Variants in DUS3L observed in about 807,000 individuals in gnomAD.
DUS3L encodes the protein dihydrouridine synthase 3 like.
In DUS3L, 62 loss-of-function variants were observed where a neutral mutation model predicts 74.6. The observed-to-expected ratio is 0.83, with a 90% CI of 0.68 to 1.03. The LOEUF is 1.03. Ranked by LOEUF, DUS3L falls within the 50% of genes least tolerant of loss-of-function variation. DUS3L has a pLI of 0.00. For missense variants in DUS3L, 884 were observed against 924.4 expected (o/e 0.96, Z 0.57); for synonymous variants, 433 against 395.7 (o/e 1.09, Z -1.12).
chr19:5,785,175 C>T lies in DUS3L; in HGVS notation c.*28G>A, dbSNP rs1334149865. ...ATAAAATTTATTGTACTCTCCTCGC[C>T]CCAGGGTGCCCCTGGGAAAGCCTGA... On this transcript the variant is annotated 3_prime_UTR_variant, in exon 13 of 13. Coordinates refer to ENST00000309061, the MANE Select transcript of DUS3L (RefSeq NM_020175.3). 6.3e-7 allele frequency: 1 copy of T among 1,586,000 alleles called. No individual in the cohort carries two copies. The highest frequency in any genetic ancestry group is 8.6e-7 in the Non-Finnish European group (1 of 1,166,506).
rs762349437 is a variant in DUS3L, at chr19:5,786,490, A to C, written c.1539T>G (p.Gly513=). 2 of 1,612,994 alleles carry C rather than the reference A, an allele frequency of 1.2e-6. No homozygotes were observed. The highest frequency in any genetic ancestry group is 4.5e-5 in the East Asian group (2 of 44,874). ...ACCGGGCAATCATGATCCCGGTGAC[A>C]CCAGTCTGCATGGCGCGGTTGGCAT... The part of the protein sequence containing the change: ...FEDANRAMQT[G]VTGIMIARGA... The change falls in exon 10 of 13, where the codon GGT becomes GGG. Residue 513 remains glycine, a synonymous_variant. Transcript: ENST00000309061.
In DUS3L at chr19:5,787,139, G is replaced by A; in HGVS notation, c.1311C>T (p.Arg437=). Residue 437 remains arginine (R), a synonymous_variant, in exon 8 of 13, where the codon CGC becomes CGT. Coordinates refer to ENST00000309061, the MANE Select transcript of DUS3L (RefSeq NM_020175.3). Reference sequence around the variant, plus strand: ...GGTTCACACGCTCCTGGACGCCTGTGCGGATCTTCACAGTCAGCGGCACAT... The same window carrying A: ...GGTTCACACGCTCCTGGACGCCTGTACGGATCTTCACAGTCAGCGGCACAT... The part of the protein sequence containing the change: ...VLDVPLTVKI[R]TGVQERVNLA... 1 of 1,471,028 alleles carries A rather than the reference G, an allele frequency of 6.8e-7. No individual in the cohort carries two copies. Among genetic ancestry groups the A allele is most frequent in the South Asian group, 1.2e-5 (1 of 82,684 alleles). The allele number at this position is 1,471,028 out of a possible 1,614,324, so 91.1% of individuals were successfully genotyped here. A position where few individuals can be genotyped will look rare whatever the true frequency, so the allele number is the denominator to read the frequency against.
chr19:5,791,014 T>C, intron 1 of DUS3L, 30 bp downstream of exon 1: 1 of 1,569,520 alleles, frequency 6.4e-7, no homozygotes, highest in Non-Finnish European at 8.6e-7. Flanking sequence ...GAAAAGGCCC[T>C]TCAGCTTCCC....
At chr19:5,790,783 C>T in intron 1 of DUS3L, 1 of 587,878 alleles carries the variant, frequency 1.7e-6, no homozygotes, top group East Asian at 2.8e-5. Context: ...GACTACAATC[C>T]CCAGTATGCA....
rs368372219 is a variant in DUS3L at position 5,788,027 on chromosome 19, G to A, written c.1092C>T (p.Val364=). Residue 364 remains valine, a synonymous_variant, in exon 5 of 13, where the codon GTC becomes GTT. Coordinates refer to ENST00000309061, the MANE Select transcript of DUS3L (RefSeq NM_020175.3). ...KRHQCEDIFG[V]QLEGAFPDTM... ...CTCCCTCGGGGTGGGCACTGACCTG[G>A]ACGCCAAAGATGTCCTCACACTGGT... The A allele has an allele frequency of 2.5e-5, 40 of 1,612,774 alleles. No individual in the cohort carries two copies. The highest frequency in any genetic ancestry group is 3.3e-5 in the Non-Finnish European group (39 of 1,179,972).
intron 10 of DUS3L, chr19:5,786,023 C>G (rs2056838318): frequency 1.8e-6 from 1 of 541,046 alleles, no homozygotes; most frequent in African/African-American, 1.9e-5. Context: ...GATCTCGGCT[C>G]ACTGTTCAAC....
rs749475502 is a variant in DUS3L, at chr19:5,788,058, T to C, written c.1061A>G (p.Lys354Arg). 5 of 1,613,566 alleles carry C rather than the reference T, an allele frequency of 3.1e-6. No homozygotes were observed. In the South Asian group the frequency reaches 4.4e-5, roughly 14 times the overall value. Residue 354 changes from lysine to arginine, a missense_variant, in exon 5 of 13, where the codon AAA (lysine) becomes AGA (arginine). By Grantham distance (26) the Lys-to-Arg change is conservative (BLOSUM62 2). Coordinates refer to ENST00000309061, the MANE Select transcript of DUS3L (RefSeq NM_020175.3). ...QGQMSEWALL[K>R]RHQCEDIFGV... ...AAAGATGTCCTCACACTGGTGGCGT[T>C]TGAGTAGGGCCCACTCGGACATCTG...
Position 5,785,476 on chromosome 19 carries a change from T to G in DUS3L, c.1787A>C (p.Gln596Pro), listed in dbSNP as rs780760402. The G allele has an allele frequency of 5.1e-6, 8 of 1,577,498 alleles. No homozygotes were observed. The Admixed American group carries it at 1.4e-4, about 28-fold the overall frequency. The stretch of plus-strand genomic sequence containing the variant: ...GTAGGGCGGCCGCTCGTTGATCCTC[T>G]GTGGGAGCCGCTCCAGCAGCCCCAC... Reference protein sequence around the residue: ...VPVGLLERLPQRINERPPYYL... With the variant: ...VPVGLLERLPPRINERPPYYL... The change falls in exon 12 of 13, where the codon CAG becomes CCG. Residue 596 changes from glutamine to proline, a missense_variant. By Grantham distance (76) the Gln-to-Pro change is moderately conservative (BLOSUM62 -1). Transcript: ENST00000309061.
Position 5,786,517 on chromosome 19 carries a change from C to T in DUS3L, c.1512G>A (p.Glu504=). The T allele has an allele frequency of 6.2e-7, 1 of 1,613,152 alleles. No individual in the cohort carries two copies. The change falls in exon 10 of 13, where the codon GAG becomes GAA. Residue 504 remains glutamate, a synonymous_variant. Coordinates refer to ENST00000309061, the MANE Select transcript of DUS3L (RefSeq NM_020175.3). The stretch of plus-strand genomic sequence containing the variant: ...CAGTCTGCATGGCGCGGTTGGCATC[C>T]TCAAATGACAAGATGTCCCCATTTC... ...LFGNGDILSF[E]DANRAMQTGV...
chr19:5,789,404 A>C lies in DUS3L; in HGVS notation c.703T>G (p.Phe235Val). 1 of 1,593,602 alleles carries C rather than the reference A, an allele frequency of 6.3e-7. No individual in the cohort carries two copies. Residue 235 changes from phenylalanine to valine, a missense_variant, in exon 3 of 13, where the codon TTC (phenylalanine) becomes GTC (valine). Physicochemically the swap from Phe to Val is conservative, Grantham distance 50. Coordinates refer to ENST00000309061, the MANE Select transcript of DUS3L (RefSeq NM_020175.3). ...FERAEQALRR[F>V]SQGPTPAAAV... ...GCAGCGGGTGTGGGGCCCTGGCTGA[A>C]CCGGCGCAGGGCCTGCTCAGCTCGC...
chr19:5,788,313 A>G, intron 4 of DUS3L, 44 bp downstream of exon 4: 1 of 1,613,084 alleles, frequency 6.2e-7, no homozygotes. Flanking sequence ...GAATGACCAC[A>G]CTGCCACCCT....
chr19:5,790,321 T>A lies in DUS3L; in HGVS notation c.113A>T (p.Lys38Met). The A allele has an allele frequency of 6.2e-7, 1 of 1,614,064 alleles. No homozygotes were observed. The highest frequency in any genetic ancestry group is 8.5e-7 in the Non-Finnish European group (1 of 1,180,004). The change falls in exon 2 of 13, where the codon AAG becomes ATG. Residue 38 changes from lysine (K) to methionine (M), a missense_variant. Physicochemically the swap from Lys to Met is moderately conservative, Grantham distance 95. Transcript: ENST00000309061. ...APIKRQYLTTKEQFHQFLEAK... is the reference protein window; with the variant it reads ...APIKRQYLTTMEQFHQFLEAK... ...TTCCAGGAATTGGTGAAACTGCTCC[T>A]TGGTGGTGAGGTATCTGCCGACAGA... is the stretch of plus-strand genomic sequence containing the variant.
At chr19:5,786,181 T>A (rs1480574117) in intron 10 of DUS3L, among the ~76,000 whole-genome samples, 1 of 152,164 alleles carries the variant, frequency 6.6e-6, no homozygotes, top group Admixed American at 6.6e-5. Context: ...ACCTCCGACC[T>A]CAAATGATCG....
At position 5,788,396 on chromosome 19, in the gene DUS3L, C is replaced by T; in HGVS notation, c.903G>A (p.Leu301=). 1 of 1,613,258 alleles carries T rather than the reference C, an allele frequency of 6.2e-7. No homozygotes were observed. The highest frequency in any genetic ancestry group is 8.5e-7 in the Non-Finnish European group (1 of 1,179,842). Residue 301 remains leucine, a splice_region_variant and synonymous_variant, in exon 4 of 13, where the codon CTG becomes CTA. Coordinates refer to ENST00000309061, the MANE Select transcript of DUS3L (RefSeq NM_020175.3). ...VRLRPCEKKR[L]DIRGKLYLAP... is the part of the protein sequence containing the mutation. ...CCAGGTAAAGTTTGCCACGGATGTC[C>T]AGCTGGAGGGAAAAAAATACACACA...
In DUS3L at chr19:5,790,181, C is replaced by T. The variant is rs777765499; in HGVS notation, c.253G>A (p.Gly85Arg). Reference sequence around the variant, plus strand: ...GGCTCTGCTGCCTCCTCCGTCTGCCCGTCCGCCGTCTGTCCATCCTCCAGT... The same window carrying T: ...GGCTCTGCTGCCTCCTCCGTCTGCCTGTCCGCCGTCTGTCCATCCTCCAGT... Reference protein sequence around the residue: ...IRLEDGQTADGQTEEAAEPGE... With the variant: ...IRLEDGQTADRQTEEAAEPGE... Residue 85 changes from glycine to arginine, a missense_variant, in exon 2 of 13, where the codon GGG becomes AGG. Physicochemically the swap from Gly to Arg is moderately radical, Grantham distance 125 (BLOSUM62 -2). Coordinates refer to ENST00000309061, the MANE Select transcript of DUS3L (RefSeq NM_020175.3). The T allele has an allele frequency of 4.3e-6, 7 of 1,614,044 alleles. No individual in the cohort carries two copies. The highest frequency in any genetic ancestry group is 2.2e-5 in the South Asian group (2 of 91,086).
chr19:5,790,606 T>C (rs1164420375), intron 1 of DUS3L, among the ~76,000 whole-genome samples: 1 of 152,050 alleles, frequency 6.6e-6, no homozygotes, highest in Non-Finnish European at 1.5e-5. Context: ...AAAACTACAA[T>C]TCCCAGCATG....
intron 11 of DUS3L, 32 bp from the exon 12 acceptor site, chr19:5,785,543 A>G: frequency 6.5e-7 from 1 of 1,550,228 alleles, no homozygotes; most frequent in Non-Finnish European, 8.7e-7. Flanking sequence ...GACAGGCTTG[A>G]GTCAGCTCTA....
rs2056862821 is a variant in DUS3L at position 5,787,278 on chromosome 19, G to C, written c.1278+18C>G. The C allele has an allele frequency of 6.3e-7, 1 of 1,587,914 alleles. No homozygotes were observed. Among genetic ancestry groups the C allele is most frequent in the Non-Finnish European group, 8.6e-7 (1 of 1,163,476 alleles). On this transcript the variant is annotated intron_variant, in intron 7 of 12. Transcript: ENST00000309061. ...GGGAGTTGTTTGGGAGCCAGTGCGA[G>C]GATGTGGCTGGCCGTACCTGGTTCA...
rs2144738709 is a variant in DUS3L at position 5,790,149 on chromosome 19, C to T, written c.285G>A (p.Glu95=). The stretch of plus-strand genomic sequence containing the variant: ...GGGCCCTCTTCTGAGTCTGTAGCTG[C>T]TCCCCGGGCTCTGCTGCCTCCTCCG... The part of the protein sequence containing the change: ...GQTEEAAEPG[E]QLQTQKRARG... Residue 95 remains glutamate, a synonymous_variant, in exon 2 of 13, where the codon GAG becomes GAA. Transcript: ENST00000309061. The T allele has an allele frequency of 1.9e-6, 3 of 1,614,060 alleles. No individual in the cohort carries two copies. The highest frequency in any genetic ancestry group is 4.5e-5 in the East Asian group (2 of 44,894).
Sources: allele counts gnomAD v4.1 joint callset (sites outside exome capture counted in the v4.1 genomes callset), GRCh38; gene constraint gnomAD v4.1.1; transcripts MANE v1.5; gene names NCBI Gene and HGNC (gene_info 2026-07-23, HGNC 2026-07-21).